The following MAN1A2 variants were observed in gnomAD, a reference collection of about 807,000 sequenced individuals.
MAN1A2 encodes mannosidase alpha class 1A member 2.
In MAN1A2, 26 loss-of-function variants were observed where a neutral mutation model predicts 75.7. The ratio of observed to expected loss-of-function variants is 0.34; its 90% CI spans 0.25 to 0.48. The LOEUF is 0.48. MAN1A2 is among the 20% of genes least tolerant of loss of function. The pLI is 0.99. For missense variants in MAN1A2, 562 were observed against 775.5 expected (o/e 0.72, Z 3.27); for synonymous variants, 247 against 264.6 (o/e 0.93, Z 0.65).
intron 7 of MAN1A2, among the ~76,000 whole-genome samples, chr1:117,462,306 A>T (rs1649847561): frequency 6.6e-6 from 1 of 152,162 alleles, no homozygotes. Flanking sequence ...TTTATATAAT[A>T]AAATACAAAA....
chr1:117,443,454 G>A (rs1649110787), intron 6 of MAN1A2, among the ~76,000 whole-genome samples: 1 of 152,116 alleles, frequency 6.6e-6, no homozygotes, highest in Non-Finnish European at 1.5e-5. Context: ...TTTTGTGACA[G>A]ATTTTGTGAT....
chr1:117,518,777 A>G (rs1293208074), intron 12 of MAN1A2, among the ~76,000 whole-genome samples: 1 of 152,050 alleles, frequency 6.6e-6, no homozygotes, highest in Non-Finnish European at 1.5e-5. Flanking sequence ...AGACAGGTCA[A>G]CAAGACAGAA....
intron 5 of MAN1A2, among the ~76,000 whole-genome samples, chr1:117,429,432 G>A (rs1469168042): frequency 9.4e-5 from 12 of 127,324 alleles, no homozygotes; most frequent in Non-Finnish European, 8.6e-5. Flanking sequence ...GGGCAGGGGG[G>A]CTGACCCCCC....
intron 8 of MAN1A2, among the ~76,000 whole-genome samples, chr1:117,468,225 C>T (rs970407072): frequency 4.6e-5 from 7 of 152,042 alleles, no homozygotes; most frequent in East Asian, 1.9e-4. Context: ...CCAAGCAAGG[C>T]GGGGAAAAGC....
At chr1:117,513,008 T>A (rs1651587178) in intron 12 of MAN1A2, among the ~76,000 whole-genome samples, 1 of 152,174 alleles carries the variant, frequency 6.6e-6, no homozygotes, top group Admixed American at 6.6e-5. Context: ...TATTGAAATA[T>A]GTTAAGTGTA....
intron 11 of MAN1A2, among the ~76,000 whole-genome samples, chr1:117,501,299 G>T (rs956997310): frequency 2.0e-5 from 3 of 151,802 alleles, no homozygotes; most frequent in Non-Finnish European, 4.4e-5. Context: ...TCAAGTTTCA[G>T]AAGTGTGCAG....
chr1:117,496,012 CAT>C (rs1354985254), intron 9 of MAN1A2, among the ~76,000 whole-genome samples: 1 of 151,882 alleles, frequency 6.6e-6, no homozygotes, highest in Admixed American at 6.6e-5. Flanking sequence ...ATGAGTAAGA[CAT>C]AGTCACTCCA....
chr1:117,390,419 A>G (rs2101738606), intron 1 of MAN1A2, among the ~76,000 whole-genome samples: 1 of 151,918 alleles, frequency 6.6e-6, no homozygotes, highest in Non-Finnish European at 1.5e-5. Flanking sequence ...TGCTAATAAT[A>G]GTTTCTTACT....
chr1:117,465,592 C>T (rs574479759), intron 7 of MAN1A2, among the ~76,000 whole-genome samples: 5 of 152,214 alleles, frequency 3.3e-5, no homozygotes, highest in South Asian at 4.2e-4. Flanking sequence ...AAGTTTATAC[C>T]AGCCAGGTTA....
intron 5 of MAN1A2, among the ~76,000 whole-genome samples, chr1:117,420,947 G>C (rs1444457775): frequency 6.6e-6 from 1 of 151,756 alleles, no homozygotes; most frequent in Admixed American, 6.6e-5. Flanking sequence ...AAGTAAAGGG[G>C]GAAAATAAAC....
At chr1:117,519,476 TAAG>T (rs1279874608) in intron 12 of MAN1A2, among the ~76,000 whole-genome samples, 1 of 151,828 alleles carries the variant, frequency 6.6e-6, no homozygotes, top group Non-Finnish European at 1.5e-5. Context: ...TTAACCTCAT[TAAG>T]AAACAAAACA....
intron 9 of MAN1A2, chr1:117,494,359 A>G (rs1003172590): frequency 2.0e-5 from 3 of 152,098 alleles, no homozygotes; most frequent in African/African-American, 7.2e-5. Context: ...TTCCTGCTCT[A>G]TTATAAACTG....
intron 5 of MAN1A2, among the ~76,000 whole-genome samples, chr1:117,429,652 C>T (rs1311191965): frequency 2.8e-5 from 3 of 107,148 alleles, no homozygotes; most frequent in African/African-American, 7.4e-5. Flanking sequence ...CCAGTAGGGG[C>T]GGCCGGGCAG....
chr1:117,490,195 G>GGTGT (rs138817476), intron 8 of MAN1A2, among the ~76,000 whole-genome samples: 1 of 151,510 alleles, frequency 6.6e-6, no homozygotes, highest in African/African-American at 2.4e-5. Context: ...TGCAGGGTTT[G>GGTGT]GTGTGTGTGT....
At chr1:117,402,798 T>C (rs1323767445) in intron 2 of MAN1A2, among the ~76,000 whole-genome samples, 1 of 152,126 alleles carries the variant, frequency 6.6e-6, no homozygotes, top group East Asian at 1.9e-4. Context: ...CTCTGCTAGA[T>C]ACTATGCAGA....
intron 1 of MAN1A2, among the ~76,000 whole-genome samples, chr1:117,397,715 G>A (rs1458092966): frequency 1.5e-5 from 2 of 130,658 alleles, no homozygotes; most frequent in Admixed American, 1.8e-4. Flanking sequence ...GCAATGTCAC[G>A]ATCTCAGCTT....
chr1:117,444,568 T>C (rs1428936848), intron 6 of MAN1A2, among the ~76,000 whole-genome samples: 1 of 152,088 alleles, frequency 6.6e-6, no homozygotes, highest in Non-Finnish European at 1.5e-5. Context: ...ATAAATTCTT[T>C]TTAATTTTTG....
chr1:117,401,813 T>C (rs1289939), intron 1 of MAN1A2, among the ~76,000 whole-genome samples: 116,694 of 151,714 alleles, frequency 0.77, 45,004 homozygotes, highest in African/African-American at 0.83. Context: ...TTCCTCTTAT[T>C]TTTTTCTTTG....
At chr1:117,369,912 A>G (rs546261340) in intron 1 of MAN1A2, among the ~76,000 whole-genome samples, 1 of 152,222 alleles carries the variant, frequency 6.6e-6, no homozygotes, top group Non-Finnish European at 1.5e-5. Context: ...CTGTTTCACA[A>G]CAGCCACACA....
Sources: allele counts gnomAD v4.1 joint callset (sites outside exome capture counted in the v4.1 genomes callset), GRCh38; gene constraint gnomAD v4.1.1; transcripts MANE v1.5; gene names NCBI Gene and HGNC (gene_info 2026-07-23, HGNC 2026-07-21).